Variants in RAB29 observed in about 807,000 individuals in gnomAD.
RAB29 encodes RAB29, member RAS oncogene family.
In RAB29, 13 loss-of-function variants were observed where a neutral mutation model predicts 25.5. The ratio of observed to expected loss-of-function variants is 0.51; its 90% confidence interval spans 0.33 to 0.81. RAB29 has a LOEUF of 0.81. Ranked by LOEUF, RAB29 falls within the 30% of genes least tolerant of loss-of-function variation. The probability of loss-of-function intolerance (pLI) is 0.02; values close to 1 mark genes in which losing one functional copy is unlikely to be tolerated. For synonymous variants in RAB29, 88 were observed against 95.0 expected, an observed-to-expected ratio of 0.93 and a Z score of 0.43; for missense variants, 201 against 254.9, an observed-to-expected ratio of 0.79 and a Z score of 1.44.
At chr1:205,772,419 T>G in intron 3 of RAB29, 77 bp downstream of exon 3, 1 of 1,435,998 alleles carries the variant, frequency 7.0e-7, no homozygotes, top group Non-Finnish European at 9.8e-7. Context: ...CTGGCTTTGC[T>G]GCCCCATTTT....
rs1220718059 is a variant in RAB29 at position 205,768,250 on chromosome 1, G to A, written c.*2092C>T. 2 of 152,142 alleles carry A rather than the reference G, an allele frequency of 1.3e-5. No individual in the cohort carries two copies. Among genetic ancestry groups the A allele is most frequent in the Admixed American group, 6.5e-5 (1 of 15,270 alleles). The allele number at this position is 152,142 out of a possible 1,614,324, so 9.4% of individuals were successfully genotyped here. A position where few individuals can be genotyped will look rare whatever the true frequency, so the allele number is the denominator to read the frequency against. On this transcript the variant is annotated 3_prime_UTR_variant, in exon 6 of 6. Transcript: ENST00000367139. Reference sequence around the variant, plus strand: ...TGGTCCCTTTTCTCTCTGATATGTGGCCTCTGATCTCTTTCTTAGGGCAGT... The same window carrying A: ...TGGTCCCTTTTCTCTCTGATATGTGACCTCTGATCTCTTTCTTAGGGCAGT...
chr1:205,772,642 A>G, intron 2 of RAB29, 75 bp from the exon 3 acceptor site: 1 of 1,362,940 alleles, frequency 7.3e-7, no homozygotes, highest in Non-Finnish European at 1.0e-6. Context: ...CAAATCAAAT[A>G]GGCAGTGAAA....
intron 2 of RAB29, 106 bp downstream of exon 2, chr1:205,774,727 A>G: frequency 8.1e-7 from 1 of 1,230,646 alleles, no homozygotes; most frequent in South Asian, 1.3e-5. Context: ...CCGAAGAAGG[A>G]CCCAACAACC....
chr1:205,774,451 C>CAG (rs1259925959), intron 2 of RAB29, among the ~76,000 whole-genome samples: 8 of 152,202 alleles, frequency 5.3e-5, no homozygotes, highest in African/African-American at 1.9e-4. Context: ...GGAGGCCCCA[C>CAG]AGAGGATCTC....
chr1:205,774,858 G>A lies in RAB29; in HGVS notation c.99C>T (p.Ser33=), dbSNP rs138568002. 1.2e-5 allele frequency: 16 copies of A among 1,365,700 alleles called. No individual in the cohort carries two copies. The highest frequency in any genetic ancestry group is 1.4e-5 in the Non-Finnish European group (14 of 1,021,790). The allele number at this position is 1,365,700 out of a possible 1,614,324, so 84.6% of individuals were successfully genotyped here. ...LVQRYSQDSF[S]KHYKSTVGVD... is the part of the protein sequence containing the mutation. ...CTCCCACCGTGGACTTGTAGTGTTT[G>A]CTGAAGCTGTCCTGGGAATATCGCT... The change falls in exon 2 of 6, where the codon AGC becomes AGT. Residue 33 remains serine, a synonymous_variant. Transcript: ENST00000367139.
Position 205,774,804 on chromosome 1 carries a change from TCCCCCTCCCCA to T in RAB29, c.124+18_124+28del. On this transcript the variant is annotated intron_variant, in intron 2 of 5. Coordinates refer to ENST00000367139, the MANE Select transcript of RAB29 (RefSeq NM_003929.3). Reference sequence around the variant, plus strand: ...CGCGGTCGGGGCCTCCTCCTCCCCCTCCCCCTCCCCACCCCCGAGACGTCTCACCTCCCACC... The same window carrying T: ...CGCGGTCGGGGCCTCCTCCTCCCCCTCCCCCGAGACGTCTCACCTCCCACC... The T allele has an allele frequency of 5.7e-6, 3 of 523,878 alleles. No homozygotes were observed. Among genetic ancestry groups the T allele is most frequent in the Non-Finnish European group, 9.5e-6 (3 of 314,390 alleles). The allele number at this position is 523,878 out of a possible 1,614,324, so 32.5% of individuals were successfully genotyped here. A position where few individuals can be genotyped will look rare whatever the true frequency, so the allele number is the denominator to read the frequency against.
chr1:205,771,425 A>C, intron 4 of RAB29, 47 bp downstream of exon 4: 1 of 1,592,828 alleles, frequency 6.3e-7, no homozygotes, highest in Non-Finnish European at 8.6e-7. Flanking sequence ...CTTCCTTTCT[A>C]ACCACAGATA....
In RAB29 at chr1:205,770,973, G is replaced by T. The variant is rs536422310; in HGVS notation, c.379-119C>A. The T allele has an allele frequency of 1.4e-5, 18 of 1,306,822 alleles. No individual in the cohort carries two copies. The African/African-American group carries it at 2.1e-4, about 15-fold the overall frequency. 81.0% of individuals were successfully genotyped at this position (1,306,822 alleles called of 1,614,324 possible). ...ACCAATGGATAAGAACACCAGCATC[G>T]GAAATCTATAATCAACATTCTTCCC... On this transcript the variant is annotated intron_variant, in intron 4 of 5. Coordinates refer to ENST00000367139, the MANE Select transcript of RAB29 (RefSeq NM_003929.3).
At position 205,771,667 on chromosome 1, in the gene RAB29, G is replaced by A; in HGVS notation, c.197-14C>T. 1 of 1,612,532 alleles carries A rather than the reference G, an allele frequency of 6.2e-7. No individual in the cohort carries two copies. Among genetic ancestry groups the A allele is most frequent in the Non-Finnish European group, 8.5e-7 (1 of 1,178,598 alleles). On this transcript the variant is annotated splice_polypyrimidine_tract_variant and intron_variant, in intron 3 of 5. Coordinates refer to ENST00000367139, the MANE Select transcript of RAB29 (RefSeq NM_003929.3). ...AGCGCTCCTGCCCTGGGGAGAAAGGGGAGAGTTCTCAAGGTGACCCAAGAG... is the reference window on the plus strand; with the variant it reads ...AGCGCTCCTGCCCTGGGGAGAAAGGAGAGAGTTCTCAAGGTGACCCAAGAG...
At chr1:205,772,689 CT>C in intron 2 of RAB29, 122 bp from the exon 3 acceptor site, 1 of 855,752 alleles carries the variant, frequency 1.2e-6, no homozygotes, top group Non-Finnish European at 1.9e-6. Flanking sequence ...ATATGTTTAA[CT>C]TTAAGCCCTC....
At chr1:205,771,682 TG>T (rs1655031934) in intron 3 of RAB29, 29 bp from the exon 4 acceptor site, 1 of 1,602,788 alleles carries the variant, frequency 6.2e-7, no homozygotes, top group African/African-American at 1.3e-5. Context: ...GTTCTCAAGG[TG>T]ACCCAAGAGC....
chr1:205,768,504 T>G lies in RAB29; in HGVS notation c.*1838A>C, dbSNP rs1654820202. The G allele has an allele frequency of 1.3e-5, 2 of 151,066 alleles. No homozygotes were observed. Among genetic ancestry groups the G allele is most frequent in the African/African-American group, 4.9e-5 (2 of 41,112 alleles). 9.4% of individuals were successfully genotyped at this position (151,066 alleles called of 1,614,324 possible). On this transcript the variant is annotated 3_prime_UTR_variant, in exon 6 of 6. Coordinates refer to ENST00000367139, the MANE Select transcript of RAB29 (RefSeq NM_003929.3). ...CCCTAGAAATTCTGATTCAGTAGGTTTGAGGTCGGGACCCAAAAATCTTTT... is the reference window on the plus strand; with the variant it reads ...CCCTAGAAATTCTGATTCAGTAGGTGTGAGGTCGGGACCCAAAAATCTTTT...
chr1:205,774,319 A>C (rs1655182974), intron 2 of RAB29, among the ~76,000 whole-genome samples: 1 of 152,118 alleles, frequency 6.6e-6, no homozygotes, highest in East Asian at 1.9e-4. Flanking sequence ...GCCCCACAAC[A>C]AAGCTACAGT....
At chr1:205,772,016 T>G (rs1232429371) in intron 3 of RAB29, among the ~76,000 whole-genome samples, 3 of 145,184 alleles carry the variant, frequency 2.1e-5, no homozygotes, top group Non-Finnish European at 4.6e-5. Flanking sequence ...TGGTGCCATC[T>G]AGGCTCACTG....
chr1:205,770,607 AC>A, intron 5 of RAB29, 125 bp downstream of exon 5: 1 of 1,493,798 alleles, frequency 6.7e-7, no homozygotes, highest in Admixed American at 1.9e-5. Flanking sequence ...AGTATCCCTG[AC>A]CTTTAGGGGC....
chr1:205,775,057 T>C lies in RAB29; in HGVS notation c.-101A>G. ...GATCCGGACCCTCTTCAAACTGAAG[T>C]GAGGCATTCCCACCCACCGCCTGTC... On this transcript the variant is annotated 5_prime_UTR_variant, in exon 2 of 6. Transcript: ENST00000367139. 1 of 1,456,276 alleles carries C rather than the reference T, an allele frequency of 6.9e-7. No individual in the cohort carries two copies. The highest frequency in any genetic ancestry group is 1.2e-5 in the South Asian group (1 of 82,748). The allele number at this position is 1,456,276 out of a possible 1,614,324, so 90.2% of individuals were successfully genotyped here. A position where few individuals can be genotyped will look rare whatever the true frequency, so the allele number is the denominator to read the frequency against.
chr1:205,775,087 C>G lies in RAB29; in HGVS notation c.-130-1G>C. On this transcript the variant is annotated splice_acceptor_variant, in intron 1 of 5. Coordinates refer to ENST00000367139, the MANE Select transcript of RAB29 (RefSeq NM_003929.3). LOFTEE classifies it low-confidence loss of function (5UTR_SPLICE). ...CATTCCCACCCACCGCCTGTCTGGG[C>G]TGCTCTGACGAGAAAGCAAAAAAGG... The G allele has an allele frequency of 2.4e-6, 3 of 1,257,716 alleles. No homozygotes were observed. Among genetic ancestry groups the G allele is most frequent in the Non-Finnish European group, 3.3e-6 (3 of 909,354 alleles). The allele number at this position is 1,257,716 out of a possible 1,614,324, so 77.9% of individuals were successfully genotyped here. A position where few individuals can be genotyped will look rare whatever the true frequency, so the allele number is the denominator to read the frequency against.
Position 205,773,725 on chromosome 1 carries a change from C to T in RAB29, c.124+1108G>A, listed in dbSNP as rs572658947. Among the ~76,000 whole-genome samples the T allele has an allele frequency of 9.9e-5, 15 of 152,146 alleles. No individual in the cohort carries two copies. The South Asian group carries it at 2.9e-3, about 30-fold the overall frequency. On this transcript the variant is annotated intron_variant, in intron 2 of 5. Transcript: ENST00000367139. ...TTGCCATGTTTCCCATGGCTGGTCTCGAACTCCTGGGCTCAAGCAATCCTC... is the reference window on the plus strand; with the variant it reads ...TTGCCATGTTTCCCATGGCTGGTCTTGAACTCCTGGGCTCAAGCAATCCTC...
intron 2 of RAB29, among the ~76,000 whole-genome samples, chr1:205,774,180 G>T (rs1422059949): frequency 1.3e-5 from 2 of 152,214 alleles, no homozygotes; most frequent in Non-Finnish European, 2.9e-5. Flanking sequence ...CACATTCTTG[G>T]AAGAATTCCT....
Sources: allele counts gnomAD v4.1 joint callset (sites outside exome capture counted in the v4.1 genomes callset), GRCh38; gene constraint gnomAD v4.1.1; transcripts MANE v1.5; gene names NCBI Gene and HGNC (gene_info 2026-07-23, HGNC 2026-07-21).